TRPA1: variants seen among roughly 807,000 people sequenced by gnomAD.
The protein encoded by TRPA1 is transient receptor potential cation channel subfamily A member 1, also known as ankyrin-like with transmembrane domains 1.
Under a neutral mutation model 131.3 loss-of-function variants are expected in TRPA1, and 129 were observed. The ratio of observed to expected loss-of-function variants is 0.98; its 90% CI spans 0.85 to 1.14. TRPA1 has a LOEUF of 1.14. TRPA1 is among the 50% of genes most tolerant of loss of function. TRPA1 has a pLI of 0.00. For synonymous variants in TRPA1, 441 were observed against 451.7 expected, an observed-to-expected ratio of 0.98 and a Z score of 0.30; for missense variants, 1,304 against 1,354.2, an observed-to-expected ratio of 0.96 and a Z score of 0.58.
At chr8:72,067,228 G>C (rs1284810655) in intron 3 of TRPA1, among the ~76,000 whole-genome samples, 1 of 152,178 alleles carries the variant, frequency 6.6e-6, no homozygotes, top group Non-Finnish European at 1.5e-5. Context: ...CGGACCATGG[G>C]CATAACTGGG....
chr8:72,041,544 T>C (rs995394155), intron 17 of TRPA1, among the ~76,000 whole-genome samples: 1 of 151,738 alleles, frequency 6.6e-6, no homozygotes, highest in Non-Finnish European at 1.5e-5. Flanking sequence ...AAACTAGAAA[T>C]CAAAAGTAGA....
At chr8:72,080,281 A>G (rs1563410792), upstream of TRPA1, among the ~76,000 whole-genome samples, 1 of 151,794 alleles carries the variant, frequency 6.6e-6, no homozygotes, top group African/African-American at 2.4e-5. Context: ...TAGGATTTTC[A>G]TAGATGTCTA....
rs749200395 is a variant in TRPA1, at chr8:72,055,858, A to G, written c.1195-3T>C. 12 of 1,606,968 alleles carry G rather than the reference A, an allele frequency of 7.5e-6. No individual in the cohort carries two copies. In the African/African-American group the frequency reaches 1.5e-4, roughly 21 times the overall value. ...ACCAGCTCTTTGATCTGTTGCATCT[A>G]TAGGAAAAAATTAATATCATACAAA... On this transcript the variant is annotated splice_polypyrimidine_tract_variant and splice_region_variant and intron_variant, in intron 10 of 26. Transcript: ENST00000262209.
chr8:72,059,030 C>G (rs1805741148), intron 8 of TRPA1, among the ~76,000 whole-genome samples: 1 of 152,188 alleles, frequency 6.6e-6, no homozygotes, highest in Non-Finnish European at 1.5e-5. Flanking sequence ...TGTCCTGCCT[C>G]CACCTTAAAG....
At chr8:72,055,904 T>A in intron 10 of TRPA1, 49 bp from the exon 11 acceptor site, 1 of 1,591,466 alleles carries the variant, frequency 6.3e-7, no homozygotes, top group Non-Finnish European at 8.6e-7. Flanking sequence ...ATTATGCTAA[T>A]ATGATGGTTT....
At chr8:72,083,922 T>C in the TRPA1 span, among the ~76,000 whole-genome samples, 1 of 152,156 alleles carries the variant, frequency 6.6e-6, no homozygotes, top group Non-Finnish European at 1.5e-5. Context: ...TGAATGTGTA[T>C]TTATTAAGTA....
chr8:72,039,100 A>T (rs1812158024), intron 18 of TRPA1, 73 bp from the exon 19 acceptor site: 6 of 1,489,780 alleles, frequency 4.0e-6, no homozygotes, highest in Non-Finnish European at 5.6e-6. Flanking sequence ...CTGGGGAAAA[A>T]ATGGTTATAA....
intron 4 of TRPA1, among the ~76,000 whole-genome samples, chr8:72,064,314 A>G (rs181788927): frequency 1.3e-5 from 2 of 151,122 alleles, no homozygotes; most frequent in Admixed American, 1.3e-4. Context: ...TACTCTGTAA[A>G]ATCATATATT....
intron 4 of TRPA1, 93 bp downstream of exon 4, chr8:72,065,358 G>A: frequency 8.5e-7 from 1 of 1,177,006 alleles, no homozygotes; most frequent in Non-Finnish European, 1.2e-6. Flanking sequence ...TTTTTCTAAG[G>A]AGAAAAACTT....
At chr8:72,024,951 G>A (rs1811534386) in intron 25 of TRPA1, among the ~76,000 whole-genome samples, 1 of 152,272 alleles carries the variant, frequency 6.6e-6, no homozygotes, top group African/African-American at 2.4e-5. Context: ...AAGAACAGTC[G>A]TAGAGATGAA....
chr8:72,045,777 A>G (rs902075418), intron 17 of TRPA1, among the ~76,000 whole-genome samples: 3 of 151,816 alleles, frequency 2.0e-5, no homozygotes, highest in Non-Finnish European at 2.9e-5. Flanking sequence ...TAGTTATTTC[A>G]GTTTGAGACC....
At chr8:72,039,678 T>C (rs1200285494) in intron 18 of TRPA1, 49 bp downstream of exon 18, 2 of 1,151,674 alleles carry the variant, frequency 1.7e-6, no homozygotes, top group Non-Finnish European at 2.6e-6. Context: ...GGCTTTGTAA[T>C]AGATCCAATA....
At chr8:72,050,562 A>G (rs1805475814) in intron 15 of TRPA1, among the ~76,000 whole-genome samples, 1 of 152,054 alleles carries the variant, frequency 6.6e-6, no homozygotes, top group South Asian at 2.1e-4. Context: ...TTTAAATAAA[A>G]AATATTTTAC....
chr8:72,043,942 C>T (rs150200539), intron 17 of TRPA1, among the ~76,000 whole-genome samples: 2 of 151,710 alleles, frequency 1.3e-5, no homozygotes, highest in Non-Finnish European at 2.9e-5. Context: ...GCCTTAGGAA[C>T]CTTCATTTTA....
the TRPA1 span, among the ~76,000 whole-genome samples, chr8:72,082,835 A>C: frequency 6.6e-6 from 1 of 151,906 alleles, no homozygotes; most frequent in Admixed American, 6.6e-5. Flanking sequence ...TTTGTAGATT[A>C]ATACTTTTTT....
chr8:72,031,906 C>T (rs1337328174), intron 23 of TRPA1, among the ~76,000 whole-genome samples: 1 of 152,154 alleles, frequency 6.6e-6, no homozygotes, highest in Non-Finnish European at 1.5e-5. Flanking sequence ...AAGGAAAGAA[C>T]ATCCAATAGA....
intron 5 of TRPA1, 74 bp from the exon 6 acceptor site, chr8:72,063,018 T>A: frequency 7.2e-7 from 1 of 1,389,224 alleles, no homozygotes; most frequent in Non-Finnish European, 9.9e-7. Flanking sequence ...TTAAAAAATA[T>A]GAACAAAGGT....
rs1314045840 is a variant in TRPA1, at chr8:72,050,584, C to G, written c.1905+194G>C. Among the ~76,000 whole-genome samples, 3 of 152,114 alleles carry G rather than the reference C, an allele frequency of 2.0e-5. No individual in the cohort carries two copies. The East Asian group carries it at 5.8e-4, about 29-fold the overall frequency. Reference sequence around the variant, plus strand: ...AAAAAATATTTTACCATATTATTCTCTATTACATATAATAACTAATAGGAT... The same window carrying G: ...AAAAAATATTTTACCATATTATTCTGTATTACATATAATAACTAATAGGAT... On this transcript the variant is annotated intron_variant, in intron 15 of 26. Coordinates refer to ENST00000262209, the MANE Select transcript of TRPA1 (RefSeq NM_007332.3).
At chr8:72,077,529 T>C (rs1806213161), upstream of TRPA1, among the ~76,000 whole-genome samples, 1 of 152,258 alleles carries the variant, frequency 6.6e-6, no homozygotes, top group Non-Finnish European at 1.5e-5. Context: ...ATGATTTTTT[T>C]CCTGCTTTCT....
Sources: gnomAD v4.1 joint callset for allele counts (sites outside exome capture counted in the v4.1 genomes callset) on GRCh38, gnomAD v4.1.1 for gene constraint, MANE v1.5 for transcripts, NCBI Gene and HGNC (gene_info 2026-07-23, HGNC 2026-07-21) for gene names.